COMT: variants seen among roughly 807,000 people sequenced by gnomAD.
COMT encodes the protein catechol O-methyltransferase.
In COMT, 13 loss-of-function variants were observed where a neutral mutation model predicts 18.9. That is an observed-to-expected ratio of 0.69 (90% CI 0.45 to 1.09). COMT has a LOEUF of 1.09. Among genes scored for constraint, COMT ranks in the 50% least tolerant of loss-of-function variants. The pLI, the probability that COMT is intolerant of heterozygous loss-of-function variation, is 0.00. For missense variants in COMT, 329 were observed against 361.8 expected, an observed-to-expected ratio of 0.91 and a Z score of 0.73; for synonymous variants, 150 against 160.9, an observed-to-expected ratio of 0.93 and a Z score of 0.51.
chr22:19,942,266 G>A (rs1035310150), intron 1 of COMT, among the ~76,000 whole-genome samples: 2 of 152,204 alleles, frequency 1.3e-5, no homozygotes, highest in African/African-American at 4.8e-5. Context: ...TGAGGGTGTG[G>A]TAGAGTCACA....
At position 19,941,873 on chromosome 22, in the gene COMT, T is replaced by G; in HGVS notation, c.-116T>G. 3.6e-6 allele frequency: 5 copies of G among 1,395,996 alleles called. No individual in the cohort carries two copies. Among genetic ancestry groups the G allele is most frequent in the Non-Finnish European group, 4.6e-6 (5 of 1,080,362 alleles). 86.5% of individuals were successfully genotyped at this position (1,395,996 alleles called of 1,614,324 possible). On this transcript the variant is annotated 5_prime_UTR_variant, in exon 1 of 6. Transcript: ENST00000361682. ...CTGCGCCGGACCGGGGCGGGTCCAG[T>G]CCCGGGCGGGCCGTCGCGGGAGAGG...
rs567483468 is a variant in COMT, at chr22:19,968,549, T to C, written c.629T>C (p.Leu210Pro). 3.7e-6 allele frequency: 6 copies of C among 1,613,872 alleles called. No homozygotes were observed. The East Asian group carries it at 1.3e-4, about 36-fold the overall frequency. Residue 210 changes from leucine (L) to proline (P), a missense_variant, in exon 6 of 6, where the codon CTG becomes CCG. Leu to Pro is a moderately conservative substitution (Grantham distance 98, BLOSUM62 -3). Coordinates refer to ENST00000361682, the MANE Select transcript of COMT (RefSeq NM_000754.4). ...DTLLLEECGL[L>P]RKGTVLLADN... ...GTCTGTTTGCAGGAATGTGGCCTGC[T>C]GCGGAAGGGGACAGTGCTACTGGCT... is the stretch of plus-strand genomic sequence containing the variant.
chr22:19,963,349 A>AG, intron 3 of COMT: 1 of 612,362 alleles, frequency 1.6e-6, no homozygotes, highest in South Asian at 2.0e-5. Flanking sequence ...GGGAGCTCCA[A>AG]GCGCGCTCAC....
chr22:19,968,459 A>G (rs544568254), intron 5 of COMT, 77 bp from the exon 6 acceptor site: 2 of 1,422,066 alleles, frequency 1.4e-6, no homozygotes, highest in African/African-American at 1.4e-5. Context: ...CCTAGTGAGG[A>G]GCACCCATCC....
At chr22:19,963,485 A>C in intron 3 of COMT, 81 bp from the exon 4 acceptor site, 1 of 1,506,806 alleles carries the variant, frequency 6.6e-7, no homozygotes, top group Admixed American at 1.8e-5. Context: ...TCTTTGGGAG[A>C]GGTGGGGGGC....
At chr22:19,947,904 G>A (rs756812785) in intron 1 of COMT, among the ~76,000 whole-genome samples, 2 of 151,664 alleles carry the variant, frequency 1.3e-5, no homozygotes, top group African/African-American at 2.4e-5. Context: ...CTTCCCAGGC[G>A]CTGACGTTAC....
chr22:19,943,764 C>A (rs1411177242), intron 1 of COMT, among the ~76,000 whole-genome samples: 1 of 152,174 alleles, frequency 6.6e-6, no homozygotes, highest in Non-Finnish European at 1.5e-5. Context: ...GGTTTCTGGC[C>A]GTTGGGCCCT....
chr22:19,942,030 T>A, intron 1 of COMT, 133 bp downstream of exon 1: 1 of 402,390 alleles, frequency 2.5e-6, no homozygotes, highest in South Asian at 5.5e-5. Context: ...TGGGTGGGAG[T>A]CTCCGGACTT....
chr22:19,958,146 G>T (rs1942105127), intron 1 of COMT, among the ~76,000 whole-genome samples: 1 of 148,798 alleles, frequency 6.7e-6, no homozygotes, highest in African/African-American at 2.5e-5. Flanking sequence ...TTTAATATTT[G>T]TGGGTGCATA....
intron 1 of COMT, among the ~76,000 whole-genome samples, chr22:19,959,229 G>C (rs1942134246): frequency 1.3e-5 from 2 of 152,244 alleles, no homozygotes; most frequent in African/African-American, 4.8e-5. Flanking sequence ...AGTAGCACAG[G>C]TGGGTTTCTA....
chr22:19,967,998 G>A (rs1277402692), intron 5 of COMT, among the ~76,000 whole-genome samples: 1 of 152,230 alleles, frequency 6.6e-6, no homozygotes, highest in Non-Finnish European at 1.5e-5. Flanking sequence ...AGGCACTGGT[G>A]AAGATGGGGG....
intron 1 of COMT, among the ~76,000 whole-genome samples, chr22:19,948,075 G>T (rs1054584686): frequency 2.0e-5 from 3 of 152,062 alleles, no homozygotes; most frequent in African/African-American, 7.2e-5. Flanking sequence ...TATAATATTG[G>T]AATAAAGAGT....
At chr22:19,967,240 T>C (rs1471745852) in intron 5 of COMT, 4 of 1,300,904 alleles carry the variant, frequency 3.1e-6, no homozygotes, top group East Asian at 5.6e-5. Flanking sequence ...CTGAGTCCCC[T>C]GGCGCAACCC....
At position 19,968,694 on chromosome 22, in the gene COMT, G is replaced by A. The variant is rs1274476196; in HGVS notation, c.774G>A (p.Glu258=). The A allele has an allele frequency of 1.2e-6, 2 of 1,613,682 alleles. No individual in the cohort carries two copies. Among genetic ancestry groups the A allele is most frequent in the Non-Finnish European group, 1.7e-6 (2 of 1,179,994 alleles). ...ACAGGGAGGTGGTGGACGGCCTGGA[G>A]AAGGCCATCTACAAGGGCCCAGGCA... The part of the protein sequence containing the change: ...LEYREVVDGL[E]KAIYKGPGSE... The change falls in exon 6 of 6, where the codon GAG becomes GAA. Residue 258 remains glutamate, a synonymous_variant. Coordinates refer to ENST00000361682, the MANE Select transcript of COMT (RefSeq NM_000754.4).
At chr22:19,966,900 G>A in intron 5 of COMT, 1 of 974,530 alleles carries the variant, frequency 1.0e-6, no homozygotes, top group Non-Finnish European at 1.2e-6. Flanking sequence ...CCTCAGCATA[G>A]TGTCACCTGC....
chr22:19,952,409 G>A (rs928587657), intron 1 of COMT, among the ~76,000 whole-genome samples: 2 of 152,140 alleles, frequency 1.3e-5, no homozygotes, highest in Admixed American at 1.3e-4. Flanking sequence ...GGAGGCCAAG[G>A]CGGGCGGATC....
chr22:19,953,988 G>A (rs1055503), intron 1 of COMT, among the ~76,000 whole-genome samples: 15,093 of 152,200 alleles, frequency 0.099, 891 homozygotes, highest in South Asian at 0.13. Context: ...GCCCCGACGG[G>A]GCCACAGTAA....
rs1416185648 is a variant in COMT, at chr22:19,941,853, C to T, written c.-136C>T. 4.1e-6 allele frequency: 6 copies of T among 1,469,022 alleles called. No individual in the cohort carries two copies. Among genetic ancestry groups the T allele is most frequent in the African/African-American group, 2.9e-5 (2 of 67,870 alleles). The allele number at this position is 1,469,022 out of a possible 1,614,324, so 91.0% of individuals were successfully genotyped here. A position where few individuals can be genotyped will look rare whatever the true frequency, so the allele number is the denominator to read the frequency against. On this transcript the variant is annotated 5_prime_UTR_variant, in exon 1 of 6. Coordinates refer to ENST00000361682, the MANE Select transcript of COMT (RefSeq NM_000754.4). ...AGGGCTGCCCGCCGCGCTGCCTGCG[C>T]CGGACCGGGGCGGGTCCAGTCCCGG...
chr22:19,944,562 C>T (rs959616284), intron 1 of COMT, among the ~76,000 whole-genome samples: 3 of 148,624 alleles, frequency 2.0e-5, no homozygotes, highest in African/African-American at 7.5e-5. Context: ...CGGTGGCTCA[C>T]GCCTGTAATC....
Sources: gnomAD v4.1 joint callset for allele counts (sites outside exome capture counted in the v4.1 genomes callset) on GRCh38, gnomAD v4.1.1 for gene constraint, MANE v1.5 for transcripts, NCBI Gene and HGNC (gene_info 2026-07-23, HGNC 2026-07-21) for gene names.